Variants in WASHC4 observed in about 807,000 individuals in gnomAD.
The protein encoded by WASHC4 is WASH complex subunit 4, also known as WASH complex subunit 7.
A neutral mutation model predicts 166.6 loss-of-function variants in WASHC4; 86 were observed. That is an observed-to-expected ratio of 0.52 (90% CI 0.43 to 0.62). The LOEUF (loss-of-function observed/expected upper bound fraction) is 0.62. WASHC4 is among the 20% of genes least tolerant of loss of function. The pLI is 0.00. For synonymous variants in WASHC4, 446 were observed against 451.6 expected, an observed-to-expected ratio of 0.99 and a Z score of 0.16; for missense variants, 1,262 against 1,382.4, an observed-to-expected ratio of 0.91 and a Z score of 1.38.
At chr12:105,143,515 T>G (rs2135798679) in intron 20 of WASHC4, among the ~76,000 whole-genome samples, 1 of 152,146 alleles carries the variant, frequency 6.6e-6, no homozygotes, top group East Asian at 1.9e-4. Context: ...AATGCAAATG[T>G]GAAATGGTTT....
chr12:105,138,527 A>G (rs1882518450), intron 15 of WASHC4, among the ~76,000 whole-genome samples: 1 of 152,180 alleles, frequency 6.6e-6, no homozygotes, highest in Non-Finnish European at 1.5e-5. Context: ...TAAGAATTAC[A>G]GTGCACTTAT....
At chr12:105,164,036 G>A in intron 30 of WASHC4, 75 bp from the exon 31 acceptor site, 1 of 1,292,768 alleles carries the variant, frequency 7.7e-7, no homozygotes, top group African/African-American at 1.5e-5. Flanking sequence ...TTAGTGTTGG[G>A]AATTATTGGT....
chr12:105,142,292 G>A (rs1882933771), intron 18 of WASHC4, among the ~76,000 whole-genome samples, 161 bp from the exon 19 acceptor site: 1 of 152,102 alleles, frequency 6.6e-6, no homozygotes, highest in South Asian at 2.1e-4. Flanking sequence ...CATTTTGATA[G>A]TATTTCTTTT....
intron 14 of WASHC4, among the ~76,000 whole-genome samples, chr12:105,134,798 A>G (rs1216239136): frequency 2.0e-4 from 30 of 147,298 alleles, no homozygotes; most frequent in Non-Finnish European, 4.5e-5. Flanking sequence ...TCATAGTACT[A>G]TTTTTTCTAT....
rs758710889 is a variant in WASHC4 at position 105,140,929 on chromosome 12, G to A, written c.1591G>A (p.Glu531Lys). The part of the protein sequence containing the change: ...KRVISDKKYS[E>K]QRLDVLSALV... ...AGTGATTTCTGACAAAAAATACAGC[G>A]AACAGCGTCTTGATGTGCTCTCTGC... Residue 531 changes from glutamate to lysine, a missense_variant, in exon 17 of 33, where the codon GAA becomes AAA. Transcript: ENST00000332180. The A allele has an allele frequency of 2.0e-5, 33 of 1,613,888 alleles. No homozygotes were observed. Among genetic ancestry groups the A allele is most frequent in the African/African-American group, 2.7e-5 (2 of 74,906 alleles).
intron 24 of WASHC4, chr12:105,148,057 T>C: frequency 1.0e-6 from 1 of 985,348 alleles, no homozygotes; most frequent in Non-Finnish European, 1.2e-6. Context: ...GGGAGAAGAC[T>C]GAATGCTTAA....
At chr12:105,166,704 T>C (rs1203015365) in intron 32 of WASHC4, among the ~76,000 whole-genome samples, 160 bp from the exon 33 acceptor site, 1 of 152,188 alleles carries the variant, frequency 6.6e-6, no homozygotes, top group Admixed American at 6.5e-5. Context: ...AATTTTAAAG[T>C]GTAAACAAGG....
chr12:105,137,749 A>C, intron 14 of WASHC4, 137 bp from the exon 15 acceptor site: 1 of 683,996 alleles, frequency 1.5e-6, no homozygotes, highest in Non-Finnish European at 2.5e-6. Context: ...AGTATTTCCA[A>C]ATCTTAAGAG....
Position 105,159,969 on chromosome 12 carries a change from A to G in WASHC4, c.2913-32A>G, listed in dbSNP as rs755721419. 9.3e-6 allele frequency: 15 copies of G among 1,608,544 alleles called. No individual in the cohort carries two copies. The African/African-American group carries it at 2.0e-4, about 22-fold the overall frequency. On this transcript the variant is annotated intron_variant, in intron 28 of 32. Transcript: ENST00000332180. ...TTTTTTCAAAGCCACGCTTCTTTTG[A>G]GAAAGGAACCAAATAATTTTTTGCT... is the stretch of plus-strand genomic sequence containing the variant.
chr12:105,164,831 C>A, intron 32 of WASHC4, 91 bp downstream of exon 32: 1 of 856,054 alleles, frequency 1.2e-6, no homozygotes, highest in Non-Finnish European at 1.9e-6. Context: ...CATCTAGCTT[C>A]TTTGTCCTTT....
Position 105,114,164 on chromosome 12 carries a change from T to C in WASHC4, c.202-52T>C, listed in dbSNP as rs976362688. 12 of 1,536,484 alleles carry C rather than the reference T, an allele frequency of 7.8e-6. No homozygotes were observed. In the African/African-American group the frequency reaches 1.6e-4, roughly 21 times the overall value. Reference sequence around the variant, plus strand: ...CTAGCCTCAATTTGTGTTTTTAAAATTTCAGTTATTTTTCAAATTAAAAGA... The same window carrying C: ...CTAGCCTCAATTTGTGTTTTTAAAACTTCAGTTATTTTTCAAATTAAAAGA... On this transcript the variant is annotated intron_variant, in intron 2 of 32. Coordinates refer to ENST00000332180, the MANE Select transcript of WASHC4 (RefSeq NM_015275.3).
intron 15 of WASHC4, 114 bp from the exon 16 acceptor site, chr12:105,140,180 T>G (rs900484028): frequency 2.5e-6 from 2 of 812,432 alleles, no homozygotes; most frequent in Non-Finnish European, 4.2e-6. Flanking sequence ...CTGTAAGGTT[T>G]TTTTGTATCT....
chr12:105,124,766 A>G lies in WASHC4; in HGVS notation c.787-1238A>G, dbSNP rs149818307. ...AGTCCTGGGATTACAGGCATGAGCCACCATGCCCGGCCAGGTTAAGGTTTT... is the reference window on the plus strand; with the variant it reads ...AGTCCTGGGATTACAGGCATGAGCCGCCATGCCCGGCCAGGTTAAGGTTTT... On this transcript the variant is annotated intron_variant, in intron 10 of 32. Transcript: ENST00000332180. 1.8e-3 allele frequency among the ~76,000 whole-genome samples: 269 copies of G among 152,316 alleles called. 1 individual carries two copies. The highest frequency in any genetic ancestry group is 6.2e-3 in the African/African-American group (256 of 41,562).
rs918966299 is a variant in WASHC4 at position 105,168,884 on chromosome 12, C to T, written c.*1953C>T. ...TGATGATTTTTCTTGATAACATTAA[C>T]ATTAATTTTATTTTTTCAGACATAC... On this transcript the variant is annotated 3_prime_UTR_variant, in exon 33 of 33. Transcript: ENST00000332180. 5 of 152,394 alleles carry T rather than the reference C, an allele frequency of 3.3e-5. No individual in the cohort carries two copies. Among genetic ancestry groups the T allele is most frequent in the African/African-American group, 1.2e-4 (5 of 41,376 alleles). The allele number at this position is 152,394 out of a possible 1,614,324, so 9.4% of individuals were successfully genotyped here.
intron 23 of WASHC4, 33 bp from the exon 24 acceptor site, chr12:105,147,009 G>A (rs376371490): frequency 7.4e-6 from 9 of 1,221,830 alleles, no homozygotes; most frequent in African/African-American, 4.5e-5. Flanking sequence ...TATGGGTTGC[G>A]TTGTTACTGA....
intron 30 of WASHC4, 49 bp from the exon 31 acceptor site, chr12:105,164,059 TACC>T (rs1884661291): frequency 2.0e-6 from 3 of 1,487,788 alleles, no homozygotes; most frequent in Non-Finnish European, 2.8e-6. Flanking sequence ...AGGAGTAGAA[TACC>T]ACTTCTGTAC....
intron 19 of WASHC4, 36 bp downstream of exon 19, chr12:105,142,594 T>C (rs935317618): frequency 8.5e-7 from 1 of 1,179,336 alleles, no homozygotes; most frequent in African/African-American, 1.5e-5. Flanking sequence ...AATTCTATCA[T>C]TTTAAAAGTC....
At chr12:105,139,563 A>G (rs2135787849) in intron 15 of WASHC4, among the ~76,000 whole-genome samples, 1 of 151,190 alleles carries the variant, frequency 6.6e-6, no homozygotes, top group South Asian at 2.1e-4. Flanking sequence ...ATTAGTGGGT[A>G]TAATTGGTTT....
At chr12:105,156,604 T>C (rs1451610127) in intron 26 of WASHC4, 122 bp from the exon 27 acceptor site, 3 of 698,890 alleles carry the variant, frequency 4.3e-6, no homozygotes, top group South Asian at 3.6e-5. Context: ...AAGTAAAATA[T>C]AGCAAAATAT....
Sources: allele counts gnomAD v4.1 joint callset (sites outside exome capture counted in the v4.1 genomes callset), GRCh38; gene constraint gnomAD v4.1.1; transcripts MANE v1.5; gene names NCBI Gene and HGNC (gene_info 2026-07-23, HGNC 2026-07-21).